Variants in NUDCD3 observed in about 807,000 individuals in gnomAD.
The protein encoded by NUDCD3 is NudC domain containing 3, also known as nudC domain-containing protein 3.
A neutral mutation model predicts 39.7 loss-of-function variants in NUDCD3; 13 were observed. That is an observed-to-expected ratio of 0.33 (90% CI 0.21 to 0.52). The LOEUF is 0.52. Ranked by LOEUF, NUDCD3 falls within the 20% of genes least tolerant of loss-of-function variation. The pLI is 0.96. For synonymous variants in NUDCD3, 175 were observed against 172.4 expected (o/e 1.02, Z -0.12); for missense variants, 453 against 458.1 (o/e 0.99, Z 0.10).
intron 3 of NUDCD3, among the ~76,000 whole-genome samples, chr7:44,409,887 G>T (rs1798890644): frequency 6.6e-6 from 1 of 151,972 alleles, no homozygotes; most frequent in Non-Finnish European, 1.5e-5. Flanking sequence ...AAAAGTAAAA[G>T]GGGGAAAAGA....
chr7:44,488,465 G>C (rs1006063045), intron 1 of NUDCD3, among the ~76,000 whole-genome samples: 1 of 151,936 alleles, frequency 6.6e-6, no homozygotes, highest in African/African-American at 2.4e-5. Flanking sequence ...TGGTTTCTGT[G>C]AAACTTATTG....
At chr7:44,469,115 CAAAAAAAA>C (rs756247647) in intron 2 of NUDCD3, among the ~76,000 whole-genome samples, 1 of 32,840 alleles carries the variant, frequency 3.0e-5, no homozygotes, top group Non-Finnish European at 5.2e-5. Context: ...ACAAACAAAC[CAAAAAAAA>C]AAAAAAAAAA....
At chr7:44,405,665 C>T (rs973678917) in intron 3 of NUDCD3, among the ~76,000 whole-genome samples, 1 of 152,180 alleles carries the variant, frequency 6.6e-6, no homozygotes, top group Non-Finnish European at 1.5e-5. Flanking sequence ...ACAACCCAAA[C>T]TGATAGATTT....
chr7:44,428,690 A>C (rs1799289228), intron 2 of NUDCD3, among the ~76,000 whole-genome samples: 1 of 152,246 alleles, frequency 6.6e-6, no homozygotes. Flanking sequence ...TACCAAGAAG[A>C]AGCTGATGTT....
At chr7:44,416,404 A>C in intron 3 of NUDCD3, among the ~76,000 whole-genome samples, 1 of 152,096 alleles carries the variant, frequency 6.6e-6, no homozygotes, top group South Asian at 2.1e-4. Context: ...TTTTTAAAAG[A>C]GGTCTGCAGT....
In NUDCD3 at chr7:44,416,029, C is replaced by T. The variant is rs555024962; in HGVS notation, c.643-11446G>A. ...TTTTTCCAAAGTTTTAAGTGAGGTA[C>T]GACTAAAAAAAAAATCATTCAGCAA... On this transcript the variant is annotated intron_variant, in intron 3 of 5. Transcript: ENST00000355451. 4.6e-5 allele frequency among the ~76,000 whole-genome samples: 7 copies of T among 151,504 alleles called. No individual in the cohort carries two copies. In the East Asian group the frequency reaches 7.7e-4, roughly 17 times the overall value.
At chr7:44,402,742 G>A (rs1234338202) in intron 4 of NUDCD3, 2 of 455,880 alleles carry the variant, frequency 4.4e-6, no homozygotes, top group South Asian at 1.6e-5. Flanking sequence ...GTCAAGGCCA[G>A]TGTTTTAAGG....
intron 2 of NUDCD3, among the ~76,000 whole-genome samples, chr7:44,456,754 T>TAA (rs397889034): frequency 0.011 from 1,633 of 142,454 alleles, 11 homozygotes; most frequent in South Asian, 0.016. Flanking sequence ...AGACCAATCT[T>TAA]AAAAAAAAAA....
chr7:44,388,672 T>A (rs539329409), intron 5 of NUDCD3, among the ~76,000 whole-genome samples: 2 of 152,232 alleles, frequency 1.3e-5, no homozygotes, highest in East Asian at 3.9e-4. Context: ...TTCATTACTG[T>A]CTATAGCTGT....
intron 5 of NUDCD3, 130 bp downstream of exon 5, chr7:44,392,167 A>G: frequency 1.2e-6 from 1 of 815,192 alleles, no homozygotes; most frequent in Non-Finnish European, 2.0e-6. Context: ...TTGCTAGGCT[A>G]GGACATGGCA....
intron 2 of NUDCD3, among the ~76,000 whole-genome samples, chr7:44,483,758 A>C (rs1404306727): frequency 6.6e-6 from 1 of 152,228 alleles, no homozygotes; most frequent in Admixed American, 6.5e-5. Flanking sequence ...TAACTAGAAA[A>C]AAAAACAAAA....
chr7:44,432,736 T>C (rs1295360585), intron 2 of NUDCD3, among the ~76,000 whole-genome samples: 3 of 152,176 alleles, frequency 2.0e-5, no homozygotes, highest in South Asian at 2.1e-4. Flanking sequence ...CTTAACTACA[T>C]TGCGCAAAAG....
intron 2 of NUDCD3, among the ~76,000 whole-genome samples, chr7:44,464,293 A>C (rs894027694): frequency 6.6e-6 from 1 of 152,106 alleles, no homozygotes; most frequent in African/African-American, 2.4e-5. Flanking sequence ...AGTCCCTCAA[A>C]GTGACAGCAG....
At chr7:44,468,349 C>CAAAAAAAAAAAAAAAAAAAATAAAA in intron 2 of NUDCD3, 1 of 375,658 alleles carries the variant, frequency 2.7e-6, no homozygotes, top group Non-Finnish European at 4.2e-6. Context: ...GTAAAAACTG[C>CAAAAAAAAAAAAAAAAAAAATAAAA]AAAAAAAAAA....
intron 2 of NUDCD3, among the ~76,000 whole-genome samples, chr7:44,430,554 CCA>C (rs748912083): frequency 4.1e-4 from 58 of 140,842 alleles, no homozygotes; most frequent in South Asian, 2.2e-3. Flanking sequence ...AATAAAATAC[CCA>C]CACACACACA....
chr7:44,467,848 C>A, intron 2 of NUDCD3: 3 of 1,313,018 alleles, frequency 2.3e-6, no homozygotes, highest in Non-Finnish European at 3.2e-6. Flanking sequence ...AAAAGGCTCT[C>A]TTCCTCGGCG....
chr7:44,488,265 G>A (rs542216066), intron 1 of NUDCD3, among the ~76,000 whole-genome samples: 1 of 150,916 alleles, frequency 6.6e-6, no homozygotes, highest in Non-Finnish European at 1.5e-5. Flanking sequence ...AACCCAGGAG[G>A]CGGAGGTTGC....
intron 5 of NUDCD3, among the ~76,000 whole-genome samples, chr7:44,389,454 G>A (rs370398841): frequency 1.2e-4 from 19 of 152,178 alleles, no homozygotes; most frequent in South Asian, 2.1e-4. Flanking sequence ...CGAGGCGGGC[G>A]GATCACGAGG....
chr7:44,426,012 C>T (rs1448662029), intron 3 of NUDCD3: 8 of 434,706 alleles, frequency 1.8e-5, no homozygotes, highest in African/African-American at 8.6e-5. Context: ...GGTTAGCATG[C>T]GGTACTTATA....
Sources: allele counts gnomAD v4.1 joint callset (sites outside exome capture counted in the v4.1 genomes callset), GRCh38; gene constraint gnomAD v4.1.1; transcripts MANE v1.5; gene names NCBI Gene and HGNC (gene_info 2026-07-23, HGNC 2026-07-21).